SCTR: variants seen among roughly 807,000 people sequenced by gnomAD.
SCTR encodes the protein secretin receptor.
In SCTR, 56 loss-of-function variants were observed where a neutral mutation model predicts 60.8. That is an observed-to-expected ratio of 0.92 (90% CI 0.74 to 1.15). SCTR has a LOEUF of 1.15. SCTR is among the 50% of genes most tolerant of loss of function. SCTR has a pLI of 0.00. For missense variants in SCTR, 562 were observed against 550.4 expected (o/e 1.02, Z -0.21); for synonymous variants, 202 against 217.0 (o/e 0.93, Z 0.61).
intron 2 of SCTR, chr2:119,486,362 C>A (rs1677866050): frequency 1.3e-5 from 2 of 152,182 alleles, no homozygotes; most frequent in African/African-American, 4.8e-5. Flanking sequence ...GTCCAGGAGG[C>A]CAGCCCCAGG....
intron 2 of SCTR, among the ~76,000 whole-genome samples, chr2:119,488,167 C>A (rs1677960899): frequency 6.6e-6 from 1 of 152,210 alleles, no homozygotes; most frequent in Non-Finnish European, 1.5e-5. Context: ...TAACAGATCC[C>A]CTTTCCTAAA....
chr2:119,452,849 C>G (rs1035052215), intron 8 of SCTR, among the ~76,000 whole-genome samples: 9 of 152,150 alleles, frequency 5.9e-5, no homozygotes, highest in Non-Finnish European at 1.3e-4. Context: ...AGGTGCGTCC[C>G]CTGGGCTCAC....
At chr2:119,513,585 A>C (rs1393042480) in intron 1 of SCTR, among the ~76,000 whole-genome samples, 2 of 152,228 alleles carry the variant, frequency 1.3e-5, no homozygotes, top group East Asian at 3.8e-4. Context: ...AATATTGCTA[A>C]AATCATGTCA....
chr2:119,516,702 A>G (rs986589474), intron 1 of SCTR, among the ~76,000 whole-genome samples: 6 of 152,286 alleles, frequency 3.9e-5, no homozygotes, highest in Non-Finnish European at 2.9e-5. Context: ...GTTCACGCCT[A>G]TAATCCCAGC....
chr2:119,479,151 G>A, intron 2 of SCTR: 1 of 1,291,752 alleles, frequency 7.7e-7, no homozygotes, highest in Non-Finnish European at 9.8e-7. Context: ...AGTAAGAAAG[G>A]GAGGGAGGAA....
intron 7 of SCTR, among the ~76,000 whole-genome samples, chr2:119,455,785 A>G (rs1455176123): frequency 6.6e-6 from 1 of 152,240 alleles, no homozygotes; most frequent in Non-Finnish European, 1.5e-5. Context: ...GATAAAAAAC[A>G]GAAGGAAAAA....
intron 7 of SCTR, among the ~76,000 whole-genome samples, chr2:119,460,487 A>C (rs1683561486): frequency 6.6e-6 from 1 of 151,764 alleles, no homozygotes; most frequent in African/African-American, 2.4e-5. Flanking sequence ...TGTTAATGGC[A>C]GGGTAAAAGT....
chr2:119,446,628 G>T, intron 11 of SCTR, 131 bp downstream of exon 11: 1 of 875,754 alleles, frequency 1.1e-6, no homozygotes, highest in Non-Finnish European at 1.6e-6. Flanking sequence ...GCACTGTCAG[G>T]TCCGACCCCT....
At chr2:119,515,407 C>T (rs1334464389) in intron 1 of SCTR, among the ~76,000 whole-genome samples, 1 of 152,202 alleles carries the variant, frequency 6.6e-6, no homozygotes, top group Non-Finnish European at 1.5e-5. Flanking sequence ...TAAGGGCTAA[C>T]TGCATAGTTG....
chr2:119,443,189 G>A (rs146056884), intron 11 of SCTR, among the ~76,000 whole-genome samples: 420 of 152,226 alleles, frequency 2.8e-3, no homozygotes, highest in Admixed American at 4.6e-3. Context: ...GTGTATATAG[G>A]GCAGGCCTCA....
chr2:119,464,196 C>G lies in SCTR; in HGVS notation c.563G>C (p.Arg188Pro). ...HMHLFVSFILRALSNFIKDAV... is the reference protein window; with the variant it reads ...HMHLFVSFILPALSNFIKDAV... ...GTCCTTGATGAAGTTGGACAGGGCACGAAGGATGAAGGACACGAACAGGTG... is the reference window on the plus strand; with the variant it reads ...GTCCTTGATGAAGTTGGACAGGGCAGGAAGGATGAAGGACACGAACAGGTG... The change falls in exon 6 of 13, where the codon CGT becomes CCT. Residue 188 changes from arginine to proline, a missense_variant. Coordinates refer to ENST00000019103, the MANE Select transcript of SCTR (RefSeq NM_002980.3). 6.2e-7 allele frequency: 1 copy of G among 1,614,074 alleles called. No individual in the cohort carries two copies. The highest frequency in any genetic ancestry group is 8.5e-7 in the Non-Finnish European group (1 of 1,179,988).
intron 2 of SCTR, among the ~76,000 whole-genome samples, chr2:119,494,205 A>C (rs994517040): frequency 2.0e-5 from 3 of 152,198 alleles, no homozygotes; most frequent in African/African-American, 7.2e-5. Flanking sequence ...GGCTATGTTT[A>C]CTTGCCCAGA....
chr2:119,470,403 T>G (rs1676956544), intron 4 of SCTR, among the ~76,000 whole-genome samples: 1 of 152,158 alleles, frequency 6.6e-6, no homozygotes, highest in South Asian at 2.1e-4. Flanking sequence ...CGTGCCAATT[T>G]GTGGACTGGC....
At chr2:119,491,348 C>T (rs1678119483) in intron 2 of SCTR, among the ~76,000 whole-genome samples, 1 of 152,136 alleles carries the variant, frequency 6.6e-6, no homozygotes, top group South Asian at 2.1e-4. Context: ...ATGTCTGTGC[C>T]CAGCAACCAC....
chr2:119,487,932 G>A (rs1198586084), intron 2 of SCTR, among the ~76,000 whole-genome samples: 1 of 152,174 alleles, frequency 6.6e-6, no homozygotes, highest in East Asian at 1.9e-4. Flanking sequence ...TGTCAGGATA[G>A]AGTCTCGGTG....
At position 119,497,322 on chromosome 2, in the gene SCTR, G is replaced by A. The variant is rs111386452; in HGVS notation, c.73-2774C>T. Reference sequence around the variant, plus strand: ...ATTTTCACCTGGTCATAAGAAGGGAGCACCCATTCCCCCCACTTCCCCTCT... The same window carrying A: ...ATTTTCACCTGGTCATAAGAAGGGAACACCCATTCCCCCCACTTCCCCTCT... On this transcript the variant is annotated intron_variant, in intron 1 of 12. Transcript: ENST00000019103. 2.7e-4 allele frequency among the ~76,000 whole-genome samples: 41 copies of A among 151,376 alleles called. 1 individual carries two copies. The Middle Eastern group carries it at 0.014, about 51-fold the overall frequency.
intron 11 of SCTR, among the ~76,000 whole-genome samples, chr2:119,446,074 T>A (rs1272397962): frequency 6.6e-6 from 1 of 152,246 alleles, no homozygotes; most frequent in Non-Finnish European, 1.5e-5. Context: ...TTGTTGTTTT[T>A]AAGTTCACAG....
At chr2:119,467,202 A>G (rs893156396) in intron 4 of SCTR, among the ~76,000 whole-genome samples, 3 of 152,020 alleles carry the variant, frequency 2.0e-5, no homozygotes, top group Non-Finnish European at 2.9e-5. Flanking sequence ...AACGTGGAGA[A>G]ACCCTGTCTC....
intron 12 of SCTR, among the ~76,000 whole-genome samples, chr2:119,441,128 G>A (rs558098720): frequency 5.9e-5 from 9 of 152,242 alleles, no homozygotes; most frequent in African/African-American, 9.6e-5. Flanking sequence ...TGAGTCACCC[G>A]TTTCACATAT....
Sources: gnomAD v4.1 joint callset for allele counts (sites outside exome capture counted in the v4.1 genomes callset) on GRCh38, gnomAD v4.1.1 for gene constraint, MANE v1.5 for transcripts, NCBI Gene and HGNC (gene_info 2026-07-23, HGNC 2026-07-21) for gene names.